Variants in ARIH1 observed in about 807,000 individuals in gnomAD.
The protein encoded by ARIH1 is E3 ubiquitin-protein ligase ARIH1.
In ARIH1, 8 loss-of-function variants were observed where a neutral mutation model predicts 85.0. The observed-to-expected ratio is 0.09, with a 90% CI of 0.06 to 0.17. The LOEUF is 0.17. ARIH1 is among the 10% of genes least tolerant of loss of function. The probability of loss-of-function intolerance (pLI) is 1.00; values close to 1 mark genes in which losing one functional copy is unlikely to be tolerated. For synonymous variants in ARIH1, 238 were observed against 253.6 expected, an observed-to-expected ratio of 0.94 and a Z score of 0.59; for missense variants, 311 against 718.1, an observed-to-expected ratio of 0.43 and a Z score of 6.48.
intron 11 of ARIH1, among the ~76,000 whole-genome samples, chr15:72,574,894 A>ACCCC (rs201163446): frequency 1.9e-5 from 2 of 107,860 alleles, no homozygotes; most frequent in African/African-American, 3.0e-5. Flanking sequence ...ACATAGTAAG[A>ACCCC]CCCCCCCGCC....
Position 72,474,564 on chromosome 15 carries a change from G to A in ARIH1, c.-76G>A. ...CGTCCGGACATCAGCCGGAGCCGGA[G>A]CGAGAGCCGGGGCCTCGGCGTCCCC... On this transcript the variant is annotated 5_prime_UTR_variant, in exon 1 of 14. Coordinates refer to ENST00000379887, the MANE Select transcript of ARIH1 (RefSeq NM_005744.5). 2.1e-6 allele frequency: 3 copies of A among 1,461,162 alleles called. No individual in the cohort carries two copies. Among genetic ancestry groups the A allele is most frequent in the African/African-American group, 1.5e-5 (1 of 67,776 alleles). The allele number at this position is 1,461,162 out of a possible 1,614,324, so 90.5% of individuals were successfully genotyped here.
chr15:72,488,004 C>A (rs1230521807), intron 1 of ARIH1, among the ~76,000 whole-genome samples: 3 of 151,908 alleles, frequency 2.0e-5, no homozygotes, highest in Non-Finnish European at 4.4e-5. Context: ...TCATACTTGT[C>A]CCTCTTCTTT....
intron 1 of ARIH1, among the ~76,000 whole-genome samples, chr15:72,478,067 A>G (rs2063801585): frequency 6.6e-6 from 1 of 152,080 alleles, no homozygotes; most frequent in Admixed American, 6.6e-5. Context: ...CGGCCTCCCA[A>G]AGTGCTGGGA....
chr15:72,486,694 C>CTTT lies in ARIH1; in HGVS notation c.375+11699_375+11701dup, dbSNP rs34770375. On this transcript the variant is annotated intron_variant, in intron 1 of 13. Coordinates refer to ENST00000379887, the MANE Select transcript of ARIH1 (RefSeq NM_005744.5). ...TTTTTTTTTTCATTTTTAAAAATGACTTTTTTTTTTTTTTTTTTTTTGAGA... is the reference window on the plus strand; with the variant it reads ...TTTTTTTTTTCATTTTTAAAAATGACTTTTTTTTTTTTTTTTTTTTTTTTGAGA... Among the ~76,000 whole-genome samples, 863 of 92,812 alleles carry CTTT rather than the reference C, an allele frequency of 9.3e-3. 14 individuals carry two copies. The highest frequency in any genetic ancestry group is 0.025 in the Middle Eastern group (2 of 80). 60.9% of individuals were successfully genotyped at this position (92,812 alleles called of 152,430 possible). A position where few individuals can be genotyped will look rare whatever the true frequency, so the allele number is the denominator to read the frequency against.
At chr15:72,486,873 TTG>T (rs879871790) in intron 1 of ARIH1, among the ~76,000 whole-genome samples, 1 of 151,572 alleles carries the variant, frequency 6.6e-6, no homozygotes, top group East Asian at 1.9e-4. Context: ...TTTGTATTTT[TTG>T]GTAGAGACAG....
At chr15:72,549,131 A>G (rs1173341106) in intron 3 of ARIH1, among the ~76,000 whole-genome samples, 1 of 141,300 alleles carries the variant, frequency 7.1e-6, no homozygotes, top group Non-Finnish European at 1.5e-5. Context: ...TCTGTCGCCC[A>G]GGCTGGAGTG....
At chr15:72,576,505 C>CAAAAAAA (rs35725065) in intron 11 of ARIH1, among the ~76,000 whole-genome samples, 2 of 63,276 alleles carry the variant, frequency 3.2e-5, no homozygotes, top group African/African-American at 7.7e-5. Context: ...GACTCTGTCT[C>CAAAAAAA]AAAAAAAAAA....
At position 72,562,896 on chromosome 15, in the gene ARIH1, TAA is replaced by T. The variant is rs36009263; in HGVS notation, c.805-483_805-482del. Among the ~76,000 whole-genome samples the T allele has an allele frequency of 4.2e-3, 601 of 141,848 alleles. 2 individuals carry two copies. Among genetic ancestry groups the T allele is most frequent in the East Asian group, 0.015 (72 of 4,902 alleles). The allele number at this position is 141,848 out of a possible 152,430, so 93.1% of individuals were successfully genotyped here. On this transcript the variant is annotated intron_variant, in intron 6 of 13. Transcript: ENST00000379887. ...CAGGTCTTCAGGGATCAGTCATCTTTAAAAAAAAAAAAAAAAGGCACATCTGA... is the reference window on the plus strand; with the variant it reads ...CAGGTCTTCAGGGATCAGTCATCTTTAAAAAAAAAAAAAAGGCACATCTGA...
At chr15:72,506,142 A>G (rs898539537) in intron 1 of ARIH1, among the ~76,000 whole-genome samples, 2 of 151,966 alleles carry the variant, frequency 1.3e-5, no homozygotes, top group Non-Finnish European at 2.9e-5. Context: ...AGGTCAGGAG[A>G]TCGAGACCAT....
intron 2 of ARIH1, among the ~76,000 whole-genome samples, chr15:72,519,494 T>G (rs1211285668): frequency 7.1e-6 from 1 of 140,092 alleles, no homozygotes; most frequent in African/African-American, 2.6e-5. Context: ...TTTTTTTTTT[T>G]TTTTTTGAGA....
chr15:72,538,249 C>T (rs1468504811), intron 2 of ARIH1, among the ~76,000 whole-genome samples: 3 of 152,046 alleles, frequency 2.0e-5, no homozygotes, highest in Non-Finnish European at 2.9e-5. Flanking sequence ...ATCCGTAATC[C>T]GCTACTCCAG....
At chr15:72,491,863 A>G (rs757202231) in intron 1 of ARIH1, among the ~76,000 whole-genome samples, 7 of 152,218 alleles carry the variant, frequency 4.6e-5, no homozygotes, top group Non-Finnish European at 8.8e-5. Context: ...CATTAAATAT[A>G]CACAAACGTG....
intron 2 of ARIH1, among the ~76,000 whole-genome samples, chr15:72,538,664 T>C (rs2064093415): frequency 6.6e-6 from 1 of 152,218 alleles, no homozygotes; most frequent in South Asian, 2.1e-4. Flanking sequence ...CTTTCCTGCC[T>C]TGAAATTTAA....
chr15:72,518,279 T>C, intron 2 of ARIH1, 145 bp downstream of exon 2: 3 of 609,664 alleles, frequency 4.9e-6, no homozygotes, highest in Non-Finnish European at 8.3e-6. Flanking sequence ...TTTAATTTCT[T>C]GTATTCCCCT....
chr15:72,541,145 A>G (rs891307411), intron 2 of ARIH1, among the ~76,000 whole-genome samples: 1 of 152,196 alleles, frequency 6.6e-6, no homozygotes, highest in African/African-American at 2.4e-5. Context: ...GTTAAAAGGA[A>G]GCGGTGTATC....
rs1024181365 is a variant in ARIH1 at position 72,555,268 on chromosome 15, C to T, written c.589-3C>T. On this transcript the variant is annotated splice_polypyrimidine_tract_variant and splice_region_variant and intron_variant, in intron 3 of 13. Coordinates refer to ENST00000379887, the MANE Select transcript of ARIH1 (RefSeq NM_005744.5). ...TTAAGTTCATGTTTTGTTTTTCTTA[C>T]AGTATTTCACTGGCCTTGAATGTGG... 2 of 1,606,334 alleles carry T rather than the reference C, an allele frequency of 1.2e-6. No individual in the cohort carries two copies. The highest frequency in any genetic ancestry group is 2.7e-5 in the African/African-American group (2 of 74,718).
At chr15:72,574,335 G>A (rs1263763507) in intron 11 of ARIH1, among the ~76,000 whole-genome samples, 1 of 152,186 alleles carries the variant, frequency 6.6e-6, no homozygotes, top group Non-Finnish European at 1.5e-5. Flanking sequence ...TGGTTGTTTG[G>A]TTGATTGACT....
At chr15:72,548,741 C>T (rs2064140436) in intron 3 of ARIH1, among the ~76,000 whole-genome samples, 2 of 152,166 alleles carry the variant, frequency 1.3e-5, no homozygotes, top group South Asian at 4.1e-4. Flanking sequence ...TGAGTGAGTT[C>T]TTCACTTACA....
At chr15:72,557,890 T>C (rs886628373) in intron 5 of ARIH1, among the ~76,000 whole-genome samples, 4 of 152,218 alleles carry the variant, frequency 2.6e-5, no homozygotes, top group Admixed American at 1.3e-4. Flanking sequence ...ATTTTGTACA[T>C]TGATTTTGTA....
Sources: allele counts gnomAD v4.1 joint callset (sites outside exome capture counted in the v4.1 genomes callset), GRCh38; gene constraint gnomAD v4.1.1; transcripts MANE v1.5; gene names NCBI Gene and HGNC (gene_info 2026-07-23, HGNC 2026-07-21).